Variants in F2RL1 observed in about 807,000 individuals in gnomAD.
F2RL1 encodes the protein F2R like trypsin receptor 1, also known as proteinase-activated receptor 2.
In F2RL1, 16 loss-of-function variants were observed where a neutral mutation model predicts 21.7. That is an observed-to-expected ratio of 0.74 (90% CI 0.50 to 1.12). The LOEUF (loss-of-function observed/expected upper bound fraction) is 1.12. F2RL1 is among the 50% of genes most tolerant of loss of function. The pLI is 0.00. For missense variants in F2RL1, 432 were observed against 477.8 expected (o/e 0.90, Z 0.89); for synonymous variants, 181 against 186.7 (o/e 0.97, Z 0.25).
At chr5:76,823,372 T>G (rs144725213) in intron 1 of F2RL1, among the ~76,000 whole-genome samples, 26,048 of 78,728 alleles carry the variant, frequency 0.33, 2,691 homozygotes, top group South Asian at 0.49. Context: ...GTTGGTTGGT[T>G]TTTTTTTTTT....
At chr5:76,831,633 A>C (rs1341761573) in intron 1 of F2RL1, among the ~76,000 whole-genome samples, 1 of 149,708 alleles carries the variant, frequency 6.7e-6, no homozygotes, top group Non-Finnish European at 1.5e-5. Flanking sequence ...TCCGGGGTTC[A>C]AGCGATTCTT....
chr5:76,821,782 A>G (rs1252057664), intron 1 of F2RL1, among the ~76,000 whole-genome samples: 4 of 151,654 alleles, frequency 2.6e-5, no homozygotes, highest in Admixed American at 2.6e-4. Context: ...GTTTCACCAT[A>G]TTGGTCAGGC....
chr5:76,824,228 A>T (rs1015095231), intron 1 of F2RL1, among the ~76,000 whole-genome samples: 1 of 123,998 alleles, frequency 8.1e-6, no homozygotes, highest in Non-Finnish European at 1.6e-5. Flanking sequence ...CAGTGGCAGG[A>T]TCATAGCTCA....
rs759119569 is a variant in F2RL1, at chr5:76,833,292, GT to G, written c.689del (p.Leu230CysfsTer35). 6 of 1,613,786 alleles carry G rather than the reference GT, an allele frequency of 3.7e-6. No homozygotes were observed. The highest frequency in any genetic ancestry group is 1.6e-4 in the Middle Eastern group (1 of 6,062). On this transcript the variant is annotated frameshift_variant, in exon 2 of 2. Transcript: ENST00000296677. LOFTEE classifies it high-confidence loss of function. ...CCTGAACATCACGACCTGTCATGAT[GT>G]TTTGCCTGAGCAGCTCTTGGTGGGA... is the stretch of plus-strand genomic sequence containing the variant. ...PALNITTCHD[V>X]LPEQLLVGDM...
At chr5:76,826,195 A>G (rs1750234560) in intron 1 of F2RL1, among the ~76,000 whole-genome samples, 1 of 151,970 alleles carries the variant, frequency 6.6e-6, no homozygotes, top group African/African-American at 2.4e-5. Context: ...CAGCTTTACC[A>G]AGAATTCCAT....
At chr5:76,821,717 C>G (rs183755705) in intron 1 of F2RL1, among the ~76,000 whole-genome samples, 1 of 150,806 alleles carries the variant, frequency 6.6e-6, no homozygotes, top group Non-Finnish European at 1.5e-5. Context: ...GTAGCTGGGA[C>G]GACAGGCACG....
rs770126870 is a variant in F2RL1, at chr5:76,832,968, G to A, written c.361G>A (p.Asp121Asn). 1.9e-6 allele frequency: 3 copies of A among 1,614,210 alleles called. No homozygotes were observed. Among genetic ancestry groups the A allele is most frequent in the Non-Finnish European group, 2.5e-6 (3 of 1,180,048 alleles). ...TTACATGGCCAATCTGGCCTTGGCTGACCTCCTCTCTGTCATCTGGTTCCC... is the reference window on the plus strand; with the variant it reads ...TTACATGGCCAATCTGGCCTTGGCTAACCTCCTCTCTGTCATCTGGTTCCC... ...VIYMANLALA[D>N]LLSVIWFPLK... Residue 121 changes from aspartate to asparagine, a missense_variant, in exon 2 of 2, where the codon GAC becomes AAC. Physicochemically the swap from Asp to Asn is conservative, Grantham distance 23. Coordinates refer to ENST00000296677, the MANE Select transcript of F2RL1 (RefSeq NM_005242.6).
At chr5:76,826,462 T>A (rs551418099) in intron 1 of F2RL1, among the ~76,000 whole-genome samples, 2 of 152,360 alleles carry the variant, frequency 1.3e-5, no homozygotes, top group African/African-American at 2.4e-5. Context: ...TGTGACTGGC[T>A]TCTTTCACTT....
Position 76,833,534 on chromosome 5 carries a change from G to A in F2RL1, c.927G>A (p.Val309=), listed in dbSNP as rs753739168. ...CFTPSNLLLV[V]HYFLIKSQGQ... is the part of the protein sequence containing the mutation. ...CTCCTAGTAACCTTCTGCTTGTGGT[G>A]CATTATTTTCTGATTAAGAGCCAGG... The change falls in exon 2 of 2, where the codon GTG becomes GTA. Residue 309 remains valine (V), a synonymous_variant. Transcript: ENST00000296677. 3 of 1,613,612 alleles carry A rather than the reference G, an allele frequency of 1.9e-6. No individual in the cohort carries two copies. The highest frequency in any genetic ancestry group is 2.5e-6 in the Non-Finnish European group (3 of 1,179,976).
intron 1 of F2RL1, among the ~76,000 whole-genome samples, chr5:76,828,220 C>T (rs909706137): frequency 2.6e-5 from 4 of 152,084 alleles, no homozygotes; most frequent in Non-Finnish European, 4.4e-5. Flanking sequence ...CCACCCACCT[C>T]GGCCTCCAAT....
rs756607269 is a variant in F2RL1 at position 76,833,246 on chromosome 5, G to A, written c.639G>A (p.Lys213=). Reference sequence around the variant, plus strand: ...TCACCATTCCTTTGTATGTCGTGAAGCAGACCATCTTCATTCCTGCCCTGA... The same window carrying A: ...TCACCATTCCTTTGTATGTCGTGAAACAGACCATCTTCATTCCTGCCCTGA... ...LLVTIPLYVV[K]QTIFIPALNI... Residue 213 remains lysine, a synonymous_variant, in exon 2 of 2, where the codon AAG becomes AAA. Coordinates refer to ENST00000296677, the MANE Select transcript of F2RL1 (RefSeq NM_005242.6). 1.9e-6 allele frequency: 3 copies of A among 1,613,618 alleles called. No individual in the cohort carries two copies. The highest frequency in any genetic ancestry group is 2.5e-6 in the Non-Finnish European group (3 of 1,179,986).
intron 1 of F2RL1, among the ~76,000 whole-genome samples, chr5:76,824,777 A>C (rs1342832564): frequency 6.6e-6 from 1 of 152,216 alleles, no homozygotes; most frequent in Admixed American, 6.5e-5. Flanking sequence ...TTGCTAGGTC[A>C]TATGGCAAAT....
At chr5:76,819,414 T>A in intron 1 of F2RL1, 150 bp downstream of exon 1, 3 of 687,886 alleles carry the variant, frequency 4.4e-6, no homozygotes, top group Non-Finnish European at 7.0e-6. Flanking sequence ...CTTGGTGGCT[T>A]TGATGTGAGG....
Position 76,833,957 on chromosome 5 carries a change from G to C in F2RL1, c.*156G>C. On this transcript the variant is annotated 3_prime_UTR_variant, in exon 2 of 2. Coordinates refer to ENST00000296677, the MANE Select transcript of F2RL1 (RefSeq NM_005242.6). Reference sequence around the variant, plus strand: ...TTGCTAGGAGCTCCCCTGTTTGCATGAGAAAAGTAGTCCCCCAAATTAACA... The same window carrying C: ...TTGCTAGGAGCTCCCCTGTTTGCATCAGAAAAGTAGTCCCCCAAATTAACA... 1.4e-6 allele frequency: 1 copy of C among 691,364 alleles called. No homozygotes were observed. Among genetic ancestry groups the C allele is most frequent in the South Asian group, 2.3e-5 (1 of 44,380 alleles). 42.8% of individuals were successfully genotyped at this position (691,364 alleles called of 1,614,324 possible). A position where few individuals can be genotyped will look rare whatever the true frequency, so the allele number is the denominator to read the frequency against.
At position 76,832,981 on chromosome 5, in the gene F2RL1, T is replaced by A; in HGVS notation, c.374T>A (p.Val125Asp). The change falls in exon 2 of 2, where the codon GTC becomes GAC. Residue 125 changes from valine (V) to aspartate (D), a missense_variant. By Grantham distance (152) the Val-to-Asp change is radical. Coordinates refer to ENST00000296677, the MANE Select transcript of F2RL1 (RefSeq NM_005242.6). ...CTGGCCTTGGCTGACCTCCTCTCTG[T>A]CATCTGGTTCCCCTTGAAGATTGCC... Reference protein sequence around the residue: ...ANLALADLLSVIWFPLKIAYH... With the variant: ...ANLALADLLSDIWFPLKIAYH... The A allele has an allele frequency of 6.2e-7, 1 of 1,614,242 alleles. No homozygotes were observed.
intron 1 of F2RL1, among the ~76,000 whole-genome samples, chr5:76,829,471 G>T (rs918112796): frequency 1.3e-5 from 2 of 152,166 alleles, no homozygotes; most frequent in African/African-American, 4.8e-5. Context: ...AGTTCCCAGA[G>T]TCTCAATTTT....
intron 1 of F2RL1, among the ~76,000 whole-genome samples, chr5:76,832,280 C>T (rs1750362928): frequency 6.6e-6 from 1 of 152,132 alleles, no homozygotes; most frequent in African/African-American, 2.4e-5. Flanking sequence ...GTGTAATCCT[C>T]TAATAGTACA....
intron 1 of F2RL1, 86 bp downstream of exon 1, chr5:76,819,350 G>C (rs1750085239): frequency 8.5e-7 from 1 of 1,170,044 alleles, no homozygotes; most frequent in Non-Finnish European, 1.2e-6. Flanking sequence ...CCGGGCAGGT[G>C]TGCGAAGGCT....
chr5:76,832,020 AAAT>A (rs1750357865), intron 1 of F2RL1, among the ~76,000 whole-genome samples: 2 of 151,898 alleles, frequency 1.3e-5, no homozygotes, highest in South Asian at 4.1e-4. Context: ...AAAAAAAAAA[AAAT>A]AATAAGTAAA....
Sources: gnomAD v4.1 joint callset for allele counts (sites outside exome capture counted in the v4.1 genomes callset) on GRCh38, gnomAD v4.1.1 for gene constraint, MANE v1.5 for transcripts, NCBI Gene and HGNC (gene_info 2026-07-23, HGNC 2026-07-21) for gene names.